DNAH12: variants seen among roughly 807,000 people sequenced by gnomAD.
DNAH12 encodes axonemal beta dynein heavy chain 12.
Under a neutral mutation model 371.5 loss-of-function variants are expected in DNAH12, and 285 were observed. The ratio of observed to expected loss-of-function variants is 0.77; its 90% confidence interval spans 0.70 to 0.85. The LOEUF is 0.85. DNAH12 is among the 40% of genes least tolerant of loss of function. The probability of loss-of-function intolerance (pLI) is 0.00; values close to 1 mark genes in which losing one functional copy is unlikely to be tolerated. For missense variants in DNAH12, 3,611 were observed against 3,689.4 expected, an observed-to-expected ratio of 0.98 and a Z score of 0.55; for synonymous variants, 1,200 against 1,213.0, an observed-to-expected ratio of 0.99 and a Z score of 0.22.
intron 15 of DNAH12, 149 bp from the exon 16 acceptor site, chr3:57,470,785 C>G: frequency 1.5e-6 from 1 of 666,536 alleles, no homozygotes; most frequent in Non-Finnish European, 2.4e-6. Flanking sequence ...GGGCTCACTG[C>G]AACCTCTGCC....
chr3:57,476,487 C>T (rs1575655251), intron 13 of DNAH12, among the ~76,000 whole-genome samples: 2 of 152,226 alleles, frequency 1.3e-5, no homozygotes, highest in South Asian at 2.1e-4. Flanking sequence ...TCACTTGAAC[C>T]CAGGAGGCGG....
intron 30 of DNAH12, among the ~76,000 whole-genome samples, chr3:57,434,128 A>C (rs1383114539): frequency 6.6e-6 from 1 of 152,220 alleles, no homozygotes; most frequent in African/African-American, 2.4e-5. Context: ...TAAGGAGAGA[A>C]CTGGGAAAGA....
intron 43 of DNAH12, among the ~76,000 whole-genome samples, chr3:57,399,368 A>C (rs2063809392): frequency 6.6e-6 from 1 of 152,090 alleles, no homozygotes; most frequent in Non-Finnish European, 1.5e-5. Context: ...TTCCTCAATC[A>C]AAAGACATAG....
intron 62 of DNAH12, 45 bp from the exon 63 acceptor site, chr3:57,323,664 A>T: frequency 6.8e-7 from 1 of 1,466,128 alleles, no homozygotes; most frequent in South Asian, 1.5e-5. Flanking sequence ...CTTTTATTTC[A>T]CATAATGGAT....
chr3:57,401,053 A>G (rs2063845936), intron 43 of DNAH12, among the ~76,000 whole-genome samples: 5 of 152,240 alleles, frequency 3.3e-5, no homozygotes, highest in African/African-American at 1.2e-4. Flanking sequence ...AATCAATGCC[A>G]GAAGGAAAAA....
chr3:57,498,902 A>C (rs2067409980), intron 11 of DNAH12, among the ~76,000 whole-genome samples: 1 of 151,986 alleles, frequency 6.6e-6, no homozygotes. Context: ...GGGCGGCTGA[A>C]GCAGGAGAAT....
In DNAH12 at chr3:57,322,495, T is replaced by C. The variant is rs2061830494; in HGVS notation, c.10384-12A>G. On this transcript the variant is annotated splice_polypyrimidine_tract_variant and intron_variant, in intron 64 of 73. Coordinates refer to ENST00000495027, the MANE Select transcript of DNAH12 (RefSeq NM_001366028.2). ...ATTGTTACTGGGAACTAAGACAAAA[T>C]AAATGGAGAGCATTATACAAGATAG... 1 of 1,549,864 alleles carries C rather than the reference T, an allele frequency of 6.5e-7. No individual in the cohort carries two copies. The highest frequency in any genetic ancestry group is 8.7e-7 in the Non-Finnish European group (1 of 1,146,306).
chr3:57,401,270 C>T (rs1284706608), intron 43 of DNAH12, among the ~76,000 whole-genome samples: 1 of 151,596 alleles, frequency 6.6e-6, no homozygotes, highest in Non-Finnish European at 1.5e-5. Context: ...AAAGAAGAGG[C>T]CAGACGCGGT....
intron 2 of DNAH12, chr3:57,530,544 T>C: frequency 1.4e-6 from 1 of 703,850 alleles, no homozygotes. Context: ...CTAAATTTTT[T>C]TAGATTGTTT....
intron 13 of DNAH12, among the ~76,000 whole-genome samples, chr3:57,479,062 T>A (rs1439172391): frequency 6.6e-6 from 1 of 152,056 alleles, no homozygotes; most frequent in Non-Finnish European, 1.5e-5. Context: ...AGGAACAAAT[T>A]CACACATAAC....
At chr3:57,384,379 G>GT (rs1448411629) in intron 49 of DNAH12, among the ~76,000 whole-genome samples, 19 of 152,124 alleles carry the variant, frequency 1.2e-4, no homozygotes, top group African/African-American at 4.3e-4. Flanking sequence ...GCTCATGCCT[G>GT]TAATCCCAGC....
chr3:57,470,492 A>G lies in DNAH12; in HGVS notation c.2056T>C (p.Tyr686His). Residue 686 changes from tyrosine (Y) to histidine (H), a missense_variant, in exon 16 of 74, where the codon TAT becomes CAT. Coordinates refer to ENST00000495027, the MANE Select transcript of DNAH12 (RefSeq NM_001366028.2). Reference sequence around the variant, plus strand: ...AAAACAAAATTAAAAAACTTCTGATAGGGCTCAATGTTAACTTTTAATTTA... The same window carrying G: ...AAAACAAAATTAAAAAACTTCTGATGGGGCTCAATGTTAACTTTTAATTTA... ...LDKLKVNIEP[Y>H]QKFFNFVLKW... The G allele has an allele frequency of 6.5e-7, 1 of 1,543,380 alleles. No individual in the cohort carries two copies.
At chr3:57,378,135 T>A (rs2063319354) in intron 52 of DNAH12, among the ~76,000 whole-genome samples, 1 of 152,276 alleles carries the variant, frequency 6.6e-6, no homozygotes, top group East Asian at 1.9e-4. Flanking sequence ...GTTGCATATT[T>A]CTCTCCCATG....
Position 57,421,715 on chromosome 3 carries a change from G to A in DNAH12, c.5374-9C>T, listed in dbSNP as rs922741860. ...GAGAATATAAAGCAAGCCTGTTGGT[G>A]GAGAAAAAATTTAACTTATAGCAAT... On this transcript the variant is annotated splice_polypyrimidine_tract_variant and intron_variant, in intron 35 of 73. Coordinates refer to ENST00000495027, the MANE Select transcript of DNAH12 (RefSeq NM_001366028.2). The A allele has an allele frequency of 7.1e-6, 11 of 1,551,164 alleles. No homozygotes were observed. The highest frequency in any genetic ancestry group is 2.0e-5 in the Admixed American group (1 of 50,922).
Position 57,314,529 on chromosome 3 carries a change from C to A in DNAH12, c.10627G>T (p.Glu3543Ter). The A allele has an allele frequency of 6.4e-7, 1 of 1,551,056 alleles. No homozygotes were observed. The highest frequency in any genetic ancestry group is 1.4e-5 in the African/African-American group (1 of 73,110). The change falls in exon 66 of 74, where the codon GAA (glutamate) becomes TAA (stop). Residue 3543 changes from glutamate (E) to a stop codon, truncating the protein, a stop_gained. Transcript: ENST00000495027. LOFTEE classifies it high-confidence loss of function. ...LGWNIPYGFN[E>*]SDLRISIRQL... is the part of the protein sequence containing the mutation. ...CGGATACTGATGCGCAAGTCAGATT[C>A]ATTAAATCCATATGGAATATTCCAA...
rs1006192557 is a variant in DNAH12 at position 57,462,792 on chromosome 3, A to G, written c.2433T>C (p.Tyr811=). 2.6e-6 allele frequency: 4 copies of G among 1,551,388 alleles called. No homozygotes were observed. In the African/African-American group the frequency reaches 5.5e-5, roughly 21 times the overall value. The change falls in exon 18 of 74, where the codon TAT becomes TAC. Residue 811 remains tyrosine (Y), a synonymous_variant. Coordinates refer to ENST00000495027, the MANE Select transcript of DNAH12 (RefSeq NM_001366028.2). ...HWKQISEIVG[Y]DLTPDSGTTL... Reference sequence around the variant, plus strand: ...TAGTTCCAGAGTCTGGAGTCAAGTCATAGCCTACAATTTCTGATATCTGTT... The same window carrying G: ...TAGTTCCAGAGTCTGGAGTCAAGTCGTAGCCTACAATTTCTGATATCTGTT...
intron 25 of DNAH12, among the ~76,000 whole-genome samples, chr3:57,448,598 G>A (rs999454633): frequency 3.3e-5 from 5 of 152,348 alleles, no homozygotes; most frequent in East Asian, 1.9e-4. Context: ...TCCACAGCGT[G>A]GAATAGAACC....
At chr3:57,360,357 A>C (rs1464692580) in intron 58 of DNAH12, among the ~76,000 whole-genome samples, 1 of 152,106 alleles carries the variant, frequency 6.6e-6, no homozygotes, top group African/African-American at 2.4e-5. Flanking sequence ...ATGCAAAATA[A>C]ATCTATCCAA....
Position 57,480,298 on chromosome 3 carries a change from C to T in DNAH12, c.1650+3078G>A, listed in dbSNP as rs374276091. On this transcript the variant is annotated intron_variant, in intron 13 of 73. Transcript: ENST00000495027. ...TCAGAGAATACTATAAACACCTCTA[C>T]GCAAATAAACTAGAAAATCTAGAAG... Among the ~76,000 whole-genome samples, 79 of 152,140 alleles carry T rather than the reference C, an allele frequency of 5.2e-4. 3 individuals carry two copies. The South Asian group carries it at 6.4e-3, about 12-fold the overall frequency.
Sources: allele counts gnomAD v4.1 joint callset (sites outside exome capture counted in the v4.1 genomes callset), GRCh38; gene constraint gnomAD v4.1.1; transcripts MANE v1.5; gene names NCBI Gene and HGNC (gene_info 2026-07-23, HGNC 2026-07-21).